Variants in PRPF40B observed in about 807,000 individuals in gnomAD.
The protein encoded by PRPF40B is pre-mRNA processing factor 40B.
PRPF40B carries 56 observed loss-of-function variants against 124.5 expected under a neutral mutation model. The observed-to-expected ratio is 0.45, with a 90% CI of 0.36 to 0.56. The LOEUF (loss-of-function observed/expected upper bound fraction) is 0.56, where lower values mean the gene tolerates loss of function less well. Among genes scored for constraint, PRPF40B ranks in the 20% least tolerant of loss-of-function variants. The pLI, the probability that PRPF40B is intolerant of heterozygous loss-of-function variation, is 0.00. For synonymous variants in PRPF40B, 443 were observed against 426.4 expected, an observed-to-expected ratio of 1.04 and a Z score of -0.48; for missense variants, 1,053 against 1,169.5, an observed-to-expected ratio of 0.90 and a Z score of 1.45.
intron 12 of PRPF40B, 123 bp from the exon 13 acceptor site, chr12:49,634,976 C>T: frequency 9.7e-7 from 1 of 1,031,820 alleles, no homozygotes; most frequent in Non-Finnish European, 1.4e-6. Flanking sequence ...GTGTTCAGAT[C>T]CCAGACATCT....
At chr12:49,627,765 G>GA (rs371096941) in intron 1 of PRPF40B, among the ~76,000 whole-genome samples, 104 of 152,290 alleles carry the variant, frequency 6.8e-4, no homozygotes, top group African/African-American at 2.3e-3. Flanking sequence ...TGGATGTGGG[G>GA]AAAACAGTTG....
At chr12:49,637,173 G>GGGT (rs1240898097) in intron 16 of PRPF40B, 1 of 572,210 alleles carries the variant, frequency 1.7e-6, no homozygotes, top group African/African-American at 1.9e-5. Flanking sequence ...CTCAGCTTGG[G>GGGT]GGTGGCAGTG....
chr12:49,641,077 C>A (rs745702495), intron 18 of PRPF40B: 1 of 152,226 alleles, frequency 6.6e-6, no homozygotes, highest in African/African-American at 2.4e-5. Flanking sequence ...GACGTGAGAG[C>A]CAGACTTTGA....
intron 7 of PRPF40B, 84 bp from the exon 8 acceptor site, chr12:49,633,343 C>T: frequency 1.3e-6 from 2 of 1,570,938 alleles, no homozygotes; most frequent in Non-Finnish European, 1.7e-6. Context: ...CCTGTGTCCT[C>T]TACTCACTAG....
Position 49,635,023 on chromosome 12 carries a change from G to C in PRPF40B, c.1002-76G>C. On this transcript the variant is annotated intron_variant, in intron 12 of 25. Transcript: ENST00000548825. The surrounding 1 kb of genome is among the most constrained non-coding windows in gnomAD (Gnocchi z 4.1). ...GCCCCTGCAGCCTGCAGTGTCTCATGACCCTCCAGTGTGGGCTGTGCAGAG... is the reference window on the plus strand; with the variant it reads ...GCCCCTGCAGCCTGCAGTGTCTCATCACCCTCCAGTGTGGGCTGTGCAGAG... 1 of 1,432,262 alleles carries C rather than the reference G, an allele frequency of 7.0e-7. No homozygotes were observed. 88.7% of individuals were successfully genotyped at this position (1,432,262 alleles called of 1,614,324 possible).
Position 49,633,094 on chromosome 12 carries a change from G to T in PRPF40B, c.429G>T (p.Glu143Asp). 6.3e-7 allele frequency: 1 copy of T among 1,599,600 alleles called. No individual in the cohort carries two copies. The highest frequency in any genetic ancestry group is 1.1e-5 in the South Asian group (1 of 89,410). ...CTGACGACAAGCAGTCCGTGTGGGA[G>T]AAGCCCAGCGTGCTCAAGTCCAAGG... ...YNADDKQSVW[E>D]KPSVLKSKAE... Residue 143 changes from glutamate (E) to aspartate (D), a missense_variant, in exon 7 of 26, where the codon GAG becomes GAT. By Grantham distance (45) the Glu-to-Asp change is conservative. Around this residue, in one of 2 missense-constraint regions of PRPF40B, gnomAD observed 895 missense variants for 1,052.2 expected, o/e 0.85. Transcript: ENST00000548825.
chr12:49,633,532 C>T lies in PRPF40B; in HGVS notation c.565C>T (p.Leu189=). 1 of 1,614,248 alleles carries T rather than the reference C, an allele frequency of 6.2e-7. No individual in the cohort carries two copies. Among genetic ancestry groups the T allele is most frequent in the Non-Finnish European group, 8.5e-7 (1 of 1,180,044 alleles). ...KESRWTRPKD[L]DDLEVLVKQE... The stretch of plus-strand genomic sequence containing the variant: ...GTCCCGCTGGACCCGGCCCAAGGAT[C>T]TGGATGACCTAGAGGGTGAGATGTC... Residue 189 remains leucine, a synonymous_variant, in exon 8 of 26, where the codon CTG becomes TTG. Coordinates refer to ENST00000548825, the MANE Select transcript of PRPF40B (RefSeq NM_001031698.3).
In PRPF40B at chr12:49,631,588, T is replaced by TTTAGCTGGG; in HGVS notation, c.228+45_228+53dup. On this transcript the variant is annotated intron_variant, in intron 3 of 25. Transcript: ENST00000548825. The surrounding 1 kb of genome is among the most constrained non-coding windows in gnomAD (Gnocchi z 4.3). ...CTGGGGCCTCAGAAAACCCTGTCAGTTTAGCTGGGGGTGGAGATAAGAGCG... is the reference window on the plus strand; with the variant it reads ...CTGGGGCCTCAGAAAACCCTGTCAGTTTAGCTGGGTTAGCTGGGGGTGGAGATAAGAGCG... The TTTAGCTGGG allele has an allele frequency of 6.5e-7, 1 of 1,528,706 alleles. No individual in the cohort carries two copies. Among genetic ancestry groups the TTTAGCTGGG allele is most frequent in the Non-Finnish European group, 8.8e-7 (1 of 1,140,312 alleles). The allele number at this position is 1,528,706 out of a possible 1,614,324, so 94.7% of individuals were successfully genotyped here.
In PRPF40B at chr12:49,628,917, A is replaced by G. The variant is rs1478901963; in HGVS notation, c.4-1628A>G. On this transcript the variant is annotated intron_variant, in intron 1 of 25. Coordinates refer to ENST00000548825, the MANE Select transcript of PRPF40B (RefSeq NM_001031698.3). ...TGAAGGGCGTTTTTAAATGCTGAGC[A>G]TTCTCAACATAGGGGAAATTGGCAG... is the stretch of plus-strand genomic sequence containing the variant. Among the ~76,000 whole-genome samples, 6 of 152,312 alleles carry G rather than the reference A, an allele frequency of 3.9e-5. No homozygotes were observed. In the East Asian group the frequency reaches 1.2e-3, roughly 29 times the overall value.
Position 49,642,337 on chromosome 12 carries a change from G to A in PRPF40B, c.1987G>A (p.Val663Met). The A allele has an allele frequency of 6.2e-7, 1 of 1,614,044 alleles. No homozygotes were observed. Among genetic ancestry groups the A allele is most frequent in the Non-Finnish European group, 8.5e-7 (1 of 1,180,044 alleles). Residue 663 changes from valine to methionine, a missense_variant, in exon 20 of 26, where the codon GTG (valine) becomes ATG (methionine). Transcript: ENST00000548825. The surrounding 1 kb of genome is among the most constrained non-coding windows in gnomAD (Gnocchi z 5.8). ...AAFRSMLRQA[V>M]PALELGTAWE... ...CTTTCGAAGCATGCTGAGGCAGGCTGTGCCTGCTCTGGAGCTAGGCACTGC... is the reference window on the plus strand; with the variant it reads ...CTTTCGAAGCATGCTGAGGCAGGCTATGCCTGCTCTGGAGCTAGGCACTGC...
chr12:49,634,746 A>G, intron 12 of PRPF40B, 144 bp downstream of exon 12: 1 of 939,732 alleles, frequency 1.1e-6, no homozygotes, highest in Non-Finnish European at 1.6e-6. Flanking sequence ...AGGGGAAGAA[A>G]AGCTGGAGGG....
At position 49,635,388 on chromosome 12, in the gene PRPF40B, A is replaced by G. The variant is rs1454706706; in HGVS notation, c.1190A>G (p.Glu397Gly). 2 of 1,613,644 alleles carry G rather than the reference A, an allele frequency of 1.2e-6. No individual in the cohort carries two copies. The highest frequency in any genetic ancestry group is 1.7e-5 in the Admixed American group (1 of 59,958). ...RYRRAEQTFG[E>G]LEVWAVVPER... ...AGGCGGGCAGAACAGACCTTTGGGGAGCTGGAGGTCTGGGCTGTGGTCCCT... is the reference window on the plus strand; with the variant it reads ...AGGCGGGCAGAACAGACCTTTGGGGGGCTGGAGGTCTGGGCTGTGGTCCCT... Residue 397 changes from glutamate to glycine, a missense_variant, in exon 14 of 26, where the codon GAG becomes GGG. This residue lies in a region of PRPF40B where 895 missense variants were observed against 1,052.2 expected (regional missense o/e 0.85). Coordinates refer to ENST00000548825, the MANE Select transcript of PRPF40B (RefSeq NM_001031698.3). The surrounding 1 kb of genome is among the most constrained non-coding windows in gnomAD (Gnocchi z 4.1).
At chr12:49,636,403 A>G in intron 15 of PRPF40B, 1 of 441,010 alleles carries the variant, frequency 2.3e-6, no homozygotes, top group Non-Finnish European at 4.1e-6. Context: ...ATTGCATCAA[A>G]GCCTGATTGA....
intron 17 of PRPF40B, 42 bp from the exon 18 acceptor site, chr12:49,637,691 G>A: frequency 6.6e-7 from 1 of 1,508,620 alleles, no homozygotes; most frequent in South Asian, 1.2e-5. Flanking sequence ...CAGGCCTTGG[G>A]AAGCTGCCGC....
chr12:49,634,272 A>C, intron 10 of PRPF40B, 60 bp from the exon 11 acceptor site: 3 of 1,612,202 alleles, frequency 1.9e-6, no homozygotes, highest in Non-Finnish European at 2.5e-6. Flanking sequence ...CCAGGAGTTC[A>C]GGGCACTGAA....
chr12:49,632,806 A>G (rs1277527400), intron 5 of PRPF40B, 49 bp from the exon 6 acceptor site: 1 of 1,613,646 alleles, frequency 6.2e-7, no homozygotes, highest in Non-Finnish European at 8.5e-7. Flanking sequence ...TGGGAATAAG[A>G]TGGAGGTCGG....
In PRPF40B at chr12:49,635,867, C is replaced by T. The variant is rs752946893; in HGVS notation, c.1300C>T (p.Arg434Cys). Residue 434 changes from arginine to cysteine, a missense_variant, in exon 15 of 26, where the codon CGC becomes TGC. Coordinates refer to ENST00000548825, the MANE Select transcript of PRPF40B (RefSeq NM_001031698.3). This position sits in a 1 kb window ranked among gnomAD's most constrained non-coding sequence, Gnocchi z 4.1. ...GGAACAGGCCAAGCAGCTCCGGCGC[C>T]GCAATATCCAGGCCCTAAAGAGCAT... ...EKEQAKQLRR[R>C]NIQALKSILD... 21 of 1,613,804 alleles carry T rather than the reference C, an allele frequency of 1.3e-5. No homozygotes were observed. The highest frequency in any genetic ancestry group is 5.3e-5 in the African/African-American group (4 of 74,828).
Position 49,632,996 on chromosome 12 carries a change from G to GGGGGGGGCCCC in PRPF40B, c.349-18_349-17insGGGGGGGCCCC. On this transcript the variant is annotated splice_polypyrimidine_tract_variant and intron_variant, in intron 6 of 25. Transcript: ENST00000548825. ...AAAGGGGCCTTGACCACCATTCTGT[G>GGGGGGGGCCCC]CCCCCCCCCCCACCCAGAGGGCCCT... 12 of 1,147,374 alleles carry GGGGGGGGCCCC rather than the reference G, an allele frequency of 1.0e-5. No homozygotes were observed. Among genetic ancestry groups the GGGGGGGGCCCC allele is most frequent in the Non-Finnish European group, 1.5e-5 (12 of 822,988 alleles). 71.1% of individuals were successfully genotyped at this position (1,147,374 alleles called of 1,614,324 possible). A position where few individuals can be genotyped will look rare whatever the true frequency, so the allele number is the denominator to read the frequency against.
rs1592595248 is a variant in PRPF40B at position 49,635,968 on chromosome 12, C to G, written c.1401C>G (p.Ser467Arg). 6.2e-7 allele frequency: 1 copy of G among 1,614,172 alleles called. No homozygotes were observed. The highest frequency in any genetic ancestry group is 1.3e-5 in the African/African-American group (1 of 75,040). Residue 467 changes from serine (S) to arginine (R), a missense_variant, in exon 15 of 26, where the codon AGC (serine) becomes AGG (arginine). Physicochemically the swap from Ser to Arg is moderately radical, Grantham distance 110. Transcript: ENST00000548825. This position sits in a 1 kb window ranked among gnomAD's most constrained non-coding sequence, Gnocchi z 4.1. ...AGCAGTACCTCATGGATAACCCCAGCTTTGCTCAGGACCATCAGCTGCAGA... is the reference window on the plus strand; with the variant it reads ...AGCAGTACCTCATGGATAACCCCAGGTTTGCTCAGGACCATCAGCTGCAGA... ...QAQQYLMDNPSFAQDHQLQNM... is the reference protein window; with the variant it reads ...QAQQYLMDNPRFAQDHQLQNM...
Sources: allele counts gnomAD v4.1 joint callset (sites outside exome capture counted in the v4.1 genomes callset), GRCh38; gene constraint gnomAD v4.1.1; regional missense constraint gnomAD v4.1.1; non-coding constraint Gnocchi (gnomAD v3.1); transcripts MANE v1.5; gene names NCBI Gene and HGNC (gene_info 2026-07-23, HGNC 2026-07-21).